GSTM2: variants seen among roughly 807,000 people sequenced by gnomAD.
The protein encoded by GSTM2 is glutathione S-transferase mu 2, also known as GST class-mu 2.
In GSTM2, 33 loss-of-function variants were observed where a neutral mutation model predicts 33.3. The observed-to-expected ratio is 0.99, with a 90% CI of 0.75 to 1.33. The LOEUF is 1.33. Ranked by LOEUF, GSTM2 falls within the 40% of genes most tolerant of loss-of-function variation. GSTM2 has a pLI of 0.00. For synonymous variants in GSTM2, 93 were observed against 95.6 expected (o/e 0.97, Z 0.16); for missense variants, 213 against 265.8 (o/e 0.80, Z 1.38).
chr1:109,677,723 G>C (rs1413681144), downstream of GSTM2, among the ~76,000 whole-genome samples: 7 of 152,210 alleles, frequency 4.6e-5, no homozygotes, highest in Admixed American at 4.6e-4. Flanking sequence ...GGTGATTCCA[G>C]AAGAGTACAC....
chr1:109,679,375 G>A (rs755058908), downstream of GSTM2, among the ~76,000 whole-genome samples: 13 of 152,138 alleles, frequency 8.5e-5, no homozygotes, highest in Non-Finnish European at 1.8e-4. Context: ...GGAGGCTGAG[G>A]CACAAGAATC....
Position 109,671,455 on chromosome 1 carries a change from A to G in GSTM2, c.457-18A>G. ...ATATTATGGAGGTTTCAGCCCACATATCCTTGGCCTTATCCAGATCACCTT... is the reference window on the plus strand; with the variant it reads ...ATATTATGGAGGTTTCAGCCCACATGTCCTTGGCCTTATCCAGATCACCTT... On this transcript the variant is annotated intron_variant, in intron 6 of 7. Coordinates refer to ENST00000241337, the MANE Select transcript of GSTM2 (RefSeq NM_000848.4). 1 of 1,588,218 alleles carries G rather than the reference A, an allele frequency of 6.3e-7. No homozygotes were observed. The highest frequency in any genetic ancestry group is 8.6e-7 in the Non-Finnish European group (1 of 1,156,328).
In GSTM2 at chr1:109,671,174, T is replaced by C. The variant is rs906009579; in HGVS notation, c.361-113T>C. 2.2e-5 allele frequency: 16 copies of C among 739,128 alleles called. No individual in the cohort carries two copies. In the Admixed American group the frequency reaches 3.0e-4, roughly 14 times the overall value. The allele number at this position is 739,128 out of a possible 1,614,324, so 45.8% of individuals were successfully genotyped here. On this transcript the variant is annotated intron_variant, in intron 5 of 7. Transcript: ENST00000241337. ...CTGGACAGTGACCCAGTTCCAGCTG[T>C]GGGGAAGATGACTGCTTGCCCGCGG...
At chr1:109,679,082 G>A (rs1647790234), downstream of GSTM2, among the ~76,000 whole-genome samples, 1 of 152,002 alleles carries the variant, frequency 6.6e-6, no homozygotes, top group African/African-American at 2.4e-5. Flanking sequence ...AATTTATGGT[G>A]CCACCAGCAA....
In GSTM2 at chr1:109,668,080, T is replaced by C. The variant is rs745572686; in HGVS notation, c.-36T>C. The C allele has an allele frequency of 6.2e-7, 1 of 1,612,006 alleles. No homozygotes were observed. Among genetic ancestry groups the C allele is most frequent in the South Asian group, 1.1e-5 (1 of 91,046 alleles). ...TCACAAACGCTGAGCCCCGCCCCGC[T>C]GAGGCCTGTCTGCAGAATCCACAGC... On this transcript the variant is annotated 5_prime_UTR_variant, in exon 1 of 8. Transcript: ENST00000241337.
At chr1:109,679,063 C>T (rs1375298573), downstream of GSTM2, among the ~76,000 whole-genome samples, 1 of 152,048 alleles carries the variant, frequency 6.6e-6, no homozygotes, top group Non-Finnish European at 1.5e-5. Flanking sequence ...TCTCCAGAGA[C>T]AATAACTTAA....
chr1:109,668,262 A>T, intron 1 of GSTM2, 111 bp downstream of exon 1: 1 of 1,333,482 alleles, frequency 7.5e-7, no homozygotes, highest in Non-Finnish European at 1.1e-6. Context: ...TGTCCCTGAC[A>T]GCGGGGTCTG....
chr1:109,677,102 A>C (rs1448546205), downstream of GSTM2, among the ~76,000 whole-genome samples: 9 of 152,260 alleles, frequency 5.9e-5, 1 homozygote, highest in South Asian at 8.3e-4. Flanking sequence ...GCTCAACATC[A>C]TTAGACAGCA....
chr1:109,678,747 A>C (rs2101263491), downstream of GSTM2, among the ~76,000 whole-genome samples: 1 of 151,022 alleles, frequency 6.6e-6, no homozygotes, highest in African/African-American at 2.4e-5. Flanking sequence ...GCAACAGAAC[A>C]AGACTCCCTC....
chr1:109,671,254 T>C, intron 5 of GSTM2, 33 bp from the exon 6 acceptor site: 1 of 1,498,838 alleles, frequency 6.7e-7, no homozygotes, highest in South Asian at 1.1e-5. Flanking sequence ...GGAGCTTGTG[T>C]CTGAGGGTGT....
chr1:109,674,427 G>T (rs1259738554), intron 7 of GSTM2, among the ~76,000 whole-genome samples: 1 of 152,166 alleles, frequency 6.6e-6, no homozygotes, highest in African/African-American at 2.4e-5. Flanking sequence ...GACAAATGGT[G>T]ATAATAGATT....
chr1:109,671,207 G>A (rs969582017), intron 5 of GSTM2, 80 bp from the exon 6 acceptor site: 2 of 983,932 alleles, frequency 2.0e-6, no homozygotes, highest in Non-Finnish European at 3.3e-6. Context: ...CGGCCAGCTG[G>A]GGCCATGCAC....
Position 109,674,739 on chromosome 1 carries a change from C to A in GSTM2, c.568-8C>A, listed in dbSNP as rs373130089. The stretch of plus-strand genomic sequence containing the variant: ...CTTGAGTTCTGGCCTTATTTTCCCC[C>A]CTCTCAGGGCTTGGAGAAGATCTCT... On this transcript the variant is annotated splice_polypyrimidine_tract_variant and splice_region_variant and intron_variant, in intron 7 of 7. Coordinates refer to ENST00000241337, the MANE Select transcript of GSTM2 (RefSeq NM_000848.4). 6.2e-7 allele frequency: 1 copy of A among 1,614,166 alleles called. No individual in the cohort carries two copies.
chr1:109,674,555 A>G (rs1222634731), intron 7 of GSTM2, among the ~76,000 whole-genome samples, 192 bp from the exon 8 acceptor site: 1 of 152,184 alleles, frequency 6.6e-6, no homozygotes, highest in Admixed American at 6.5e-5. Context: ...GTGGTACAAC[A>G]TTACTTAAAG....
downstream of GSTM2, among the ~76,000 whole-genome samples, chr1:109,675,637 C>T (rs527905561): frequency 3.9e-5 from 6 of 152,166 alleles, no homozygotes; most frequent in Non-Finnish European, 8.8e-5. Flanking sequence ...TCCCTTTTAC[C>T]TTCTCCACTA....
At chr1:109,672,301 G>T (rs545046634) in intron 7 of GSTM2, among the ~76,000 whole-genome samples, 1 of 152,004 alleles carries the variant, frequency 6.6e-6, no homozygotes, top group East Asian at 1.9e-4. Context: ...AAGAAGAAAA[G>T]AATAACTTGC....
At chr1:109,668,574 G>A in intron 2 of GSTM2, 74 bp downstream of exon 2, 1 of 1,520,186 alleles carries the variant, frequency 6.6e-7, no homozygotes, top group African/African-American at 1.4e-5. Context: ...GTGGCCACCT[G>A]TGGCTGACTC....
At chr1:109,674,642 G>A (rs1647654746) in intron 7 of GSTM2, 105 bp from the exon 8 acceptor site, 2 of 1,441,316 alleles carry the variant, frequency 1.4e-6, no homozygotes, top group East Asian at 2.3e-5. Flanking sequence ...AGCCCACATG[G>A]AAAGGCTGTG....
chr1:109,670,398 G>T (rs796524955), intron 5 of GSTM2, among the ~76,000 whole-genome samples: 1 of 152,042 alleles, frequency 6.6e-6, no homozygotes, highest in East Asian at 1.9e-4. Context: ...CCAAATACAC[G>T]GGTCCTGTTT....
Sources: gnomAD v4.1 joint callset for allele counts (sites outside exome capture counted in the v4.1 genomes callset) on GRCh38, gnomAD v4.1.1 for gene constraint, MANE v1.5 for transcripts, NCBI Gene and HGNC (gene_info 2026-07-23, HGNC 2026-07-21) for gene names.